The following LARGE1 variants were observed in gnomAD, a reference collection of about 807,000 sequenced individuals.
The protein encoded by LARGE1 is xylosyl- and glucuronyltransferase LARGE1.
Under a neutral mutation model 87.6 loss-of-function variants are expected in LARGE1, and 43 were observed. The ratio of observed to expected loss-of-function variants is 0.49; its 90% CI spans 0.38 to 0.63. LARGE1 has a LOEUF of 0.63. LARGE1 is among the 30% of genes least tolerant of loss of function. LARGE1 has a pLI of 0.00. For missense variants in LARGE1, 802 were observed against 1,000.2 expected, an observed-to-expected ratio of 0.80 and a Z score of 2.67; for synonymous variants, 434 against 394.6, an observed-to-expected ratio of 1.10 and a Z score of -1.18.
At chr22:33,892,808 G>T (rs943521082) in intron 1 of LARGE1, among the ~76,000 whole-genome samples, 2 of 152,208 alleles carry the variant, frequency 1.3e-5, no homozygotes, top group African/African-American at 4.8e-5. Context: ...TCAAAAATGT[G>T]TATGTTCACA....
chr22:33,466,418 G>C (rs1311961990), intron 6 of LARGE1, among the ~76,000 whole-genome samples: 1 of 149,000 alleles, frequency 6.7e-6, no homozygotes, highest in African/African-American at 2.5e-5. Context: ...CCAGGCTCTT[G>C]TGGGAAGTCT....
In LARGE1 at chr22:33,541,058, G is replaced by GGGGGC. The variant is rs2077184138; in HGVS notation, c.787+23789_787+23790insGCCCC. Among the ~76,000 whole-genome samples, 3 of 97,104 alleles carry GGGGGC rather than the reference G, an allele frequency of 3.1e-5. 1 individual carries two copies. The allele number at this position is 97,104 out of a possible 152,430, so 63.7% of individuals were successfully genotyped here. On this transcript the variant is annotated intron_variant, in intron 6 of 14. Coordinates refer to ENST00000397394, the MANE Select transcript of LARGE1 (RefSeq NM_133642.5). ...GGTGGCTGGGGTGGTGGGTTGCGGG[G>GGGGGC]GGGGGGGGGCGGGGGGCGGGTTGCA...
chr22:33,798,720 GGAA>G (rs1194991565), intron 1 of LARGE1, among the ~76,000 whole-genome samples: 1 of 152,138 alleles, frequency 6.6e-6, no homozygotes, highest in Non-Finnish European at 1.5e-5. Context: ...TTGACACACT[GGAA>G]GAATATGCAC....
chr22:33,455,103 CTTG>C, intron 6 of LARGE1, among the ~76,000 whole-genome samples: 1 of 152,340 alleles, frequency 6.6e-6, no homozygotes, highest in East Asian at 1.9e-4. Flanking sequence ...GTGTTTAAGA[CTTG>C]ACCCAGGACA....
At chr22:33,799,522 C>T (rs913800916) in intron 1 of LARGE1, among the ~76,000 whole-genome samples, 6 of 152,114 alleles carry the variant, frequency 3.9e-5, no homozygotes, top group African/African-American at 4.8e-5. Context: ...CTCACCACAA[C>T]CTCCCCCTCC....
intron 6 of LARGE1, among the ~76,000 whole-genome samples, chr22:33,544,614 G>A (rs1419720141): frequency 1.3e-5 from 2 of 152,118 alleles, no homozygotes; most frequent in Non-Finnish European, 2.9e-5. Flanking sequence ...CCCTGGAGGT[G>A]GAGGTTGCAG....
At chr22:33,428,355 C>T (rs113124410) in intron 7 of LARGE1, among the ~76,000 whole-genome samples, 9,106 of 147,676 alleles carry the variant, frequency 0.062, 339 homozygotes, top group Non-Finnish European at 0.08. Context: ...CTCAGTCTGT[C>T]GCCCAGCTGG....
downstream of LARGE1, among the ~76,000 whole-genome samples, chr22:33,159,842 C>T (rs1420086263): frequency 1.3e-5 from 2 of 151,722 alleles, no homozygotes; most frequent in African/African-American, 4.8e-5. Context: ...CCGCCTCAGC[C>T]TCCCAAAGTG....
chr22:33,279,782 A>G (rs1288261412), intron 13 of LARGE1, among the ~76,000 whole-genome samples: 1 of 152,232 alleles, frequency 6.6e-6, no homozygotes, highest in East Asian at 1.9e-4. Context: ...TTGCTTTTCC[A>G]TTTGTGAACT....
intron 1 of LARGE1, among the ~76,000 whole-genome samples, chr22:33,801,135 C>G (rs561811952): frequency 1.3e-5 from 2 of 152,130 alleles, no homozygotes; most frequent in African/African-American, 4.8e-5. Context: ...CTCTTGCCGC[C>G]GCCATGTAAG....
intron 5 of LARGE1, among the ~76,000 whole-genome samples, chr22:33,585,255 C>A (rs551857766): frequency 6.6e-6 from 1 of 152,132 alleles, no homozygotes; most frequent in Admixed American, 6.6e-5. Flanking sequence ...ACAAAGGAGA[C>A]GGGGGAGATT....
At chr22:33,458,250 T>C (rs1303362963) in intron 6 of LARGE1, among the ~76,000 whole-genome samples, 1 of 150,476 alleles carries the variant, frequency 6.6e-6, no homozygotes, top group Non-Finnish European at 1.5e-5. Flanking sequence ...GGACTACAGG[T>C]GCTGCCACCA....
intron 5 of LARGE1, among the ~76,000 whole-genome samples, chr22:33,570,239 TCTC>T (rs755053914): frequency 2.0e-5 from 3 of 152,210 alleles, no homozygotes; most frequent in Non-Finnish European, 2.9e-5. Flanking sequence ...TAAGCCCACT[TCTC>T]CTCTCAGTGA....
At chr22:33,615,835 T>A (rs981663258) in intron 4 of LARGE1, among the ~76,000 whole-genome samples, 1 of 152,066 alleles carries the variant, frequency 6.6e-6, no homozygotes, top group East Asian at 1.9e-4. Flanking sequence ...AAAGGACAAG[T>A]AAGCCAATAA....
At chr22:33,380,311 A>G (rs2147098969) in intron 9 of LARGE1, among the ~76,000 whole-genome samples, 1 of 152,306 alleles carries the variant, frequency 6.6e-6, no homozygotes, top group South Asian at 2.1e-4. Flanking sequence ...ATAAATGCCG[A>G]TGGAAGGAAT....
chr22:33,187,472 A>G (rs2105878), intron 11 of LARGE1, among the ~76,000 whole-genome samples: 22,037 of 152,138 alleles, frequency 0.14, 1,658 homozygotes, highest in East Asian at 0.21. Flanking sequence ...AATTGTAGTT[A>G]CCAGTGCTCA....
intron 10 of LARGE1, among the ~76,000 whole-genome samples, chr22:33,324,125 G>A (rs923857669): frequency 6.7e-6 from 1 of 149,780 alleles, no homozygotes; most frequent in Admixed American, 6.7e-5. Context: ...CCATCTACTC[G>A]GGAGGCTAAG....
intron 6 of LARGE1, among the ~76,000 whole-genome samples, chr22:33,543,604 C>T (rs1299271853): frequency 6.6e-6 from 1 of 152,232 alleles, no homozygotes; most frequent in Non-Finnish European, 1.5e-5. Context: ...AGCATGGGTT[C>T]TGTCAGCCAG....
chr22:33,210,807 T>C (rs1924923755), intron 11 of LARGE1, among the ~76,000 whole-genome samples: 1 of 152,244 alleles, frequency 6.6e-6, no homozygotes, highest in Admixed American at 6.5e-5. Context: ...GCTGCCCCTA[T>C]GCTCTGGGCC....
Sources: gnomAD v4.1 joint callset for allele counts (sites outside exome capture counted in the v4.1 genomes callset) on GRCh38, gnomAD v4.1.1 for gene constraint, MANE v1.5 for transcripts, NCBI Gene and HGNC (gene_info 2026-07-23, HGNC 2026-07-21) for gene names.